Variants in NCK1 observed in about 807,000 individuals in gnomAD.
The protein encoded by NCK1 is SH2/SH3 adapter protein NCK1.
A neutral mutation model predicts 36.6 loss-of-function variants in NCK1; 19 were observed. The ratio of observed to expected loss-of-function variants is 0.52; its 90% CI spans 0.36 to 0.76. The LOEUF (loss-of-function observed/expected upper bound fraction) is 0.76. Ranked by LOEUF, NCK1 falls within the 30% of genes least tolerant of loss-of-function variation. The pLI is 0.00. For synonymous variants in NCK1, 165 were observed against 156.0 expected, an observed-to-expected ratio of 1.06 and a Z score of -0.43; for missense variants, 358 against 445.6, an observed-to-expected ratio of 0.80 and a Z score of 1.77.
chr3:136,873,020 C>T (rs1560030966), intron 1 of NCK1, among the ~76,000 whole-genome samples: 1 of 152,162 alleles, frequency 6.6e-6, no homozygotes, highest in Non-Finnish European at 1.5e-5. Flanking sequence ...GGGTCAGAGC[C>T]CCCACACAGA....
At chr3:136,900,979 C>T (rs956669756) in intron 1 of NCK1, among the ~76,000 whole-genome samples, 9 of 152,102 alleles carry the variant, frequency 5.9e-5, no homozygotes, top group South Asian at 2.1e-4. Context: ...TGGGCATCCT[C>T]GTCTTGTTCC....
intron 1 of NCK1, among the ~76,000 whole-genome samples, chr3:136,923,822 A>C (rs1187772625): frequency 6.6e-6 from 1 of 152,248 alleles, no homozygotes; most frequent in African/African-American, 2.4e-5. Flanking sequence ...TTATGAAACA[A>C]TTACATTTTA....
intron 2 of NCK1, among the ~76,000 whole-genome samples, chr3:136,944,147 T>C (rs1189685286): frequency 8.8e-6 from 1 of 114,002 alleles, no homozygotes; most frequent in East Asian, 2.4e-4. Flanking sequence ...TGAGACAGAG[T>C]CTTGCCCTGT....
At chr3:136,880,472 G>T (rs925768252) in intron 1 of NCK1, among the ~76,000 whole-genome samples, 1 of 152,066 alleles carries the variant, frequency 6.6e-6, no homozygotes, top group Non-Finnish European at 1.5e-5. Context: ...CTAGGAGGGA[G>T]CCTAGAGCAG....
At chr3:136,875,598 GCTAA>G (rs1476427451) in intron 1 of NCK1, among the ~76,000 whole-genome samples, 1 of 152,072 alleles carries the variant, frequency 6.6e-6, no homozygotes, top group Non-Finnish European at 1.5e-5. Context: ...AACACGAAGA[GCTAA>G]CTATCCTAAA....
At position 136,891,738 on chromosome 3, in the gene NCK1, G is replaced by A. The variant is rs1414927968; in HGVS notation, c.-19+29385G>A. 2.6e-5 allele frequency among the ~76,000 whole-genome samples: 4 copies of A among 152,080 alleles called. 1 individual carries two copies. In the South Asian group the frequency reaches 8.3e-4, roughly 32 times the overall value. On this transcript the variant is annotated intron_variant, in intron 1 of 3. Transcript: ENST00000481752. ...CATCATTTTTTTAATAATAACCATG[G>A]TGATGGTTGTGAGGTGGTATTATTG...
intron 1 of NCK1, among the ~76,000 whole-genome samples, chr3:136,863,420 G>A (rs1938306759): frequency 6.6e-6 from 1 of 152,208 alleles, no homozygotes; most frequent in Non-Finnish European, 1.5e-5. Context: ...AACCTAAGAA[G>A]AAAGTTTTGT....
At chr3:136,938,917 T>A (rs939466211) in intron 2 of NCK1, among the ~76,000 whole-genome samples, 5 of 152,250 alleles carry the variant, frequency 3.3e-5, no homozygotes, top group Admixed American at 6.5e-5. Flanking sequence ...TGAGGATTTT[T>A]GCATCTATAT....
intron 1 of NCK1, among the ~76,000 whole-genome samples, chr3:136,884,958 TG>T (rs1184078833): frequency 6.6e-6 from 1 of 152,140 alleles, no homozygotes; most frequent in Non-Finnish European, 1.5e-5. Flanking sequence ...TGACCTCAAG[TG>T]ATCTGCCCAC....
chr3:136,927,248 A>AG (rs1304292767), intron 1 of NCK1, among the ~76,000 whole-genome samples: 5 of 152,196 alleles, frequency 3.3e-5, no homozygotes, highest in Non-Finnish European at 7.3e-5. Flanking sequence ...CTGGGATTAC[A>AG]GGTGTGTGCC....
rs796940444 is a variant in NCK1, at chr3:136,864,620, A to G, written c.-19+2267A>G. 3.9e-4 allele frequency among the ~76,000 whole-genome samples: 59 copies of G among 152,354 alleles called. 1 individual carries two copies. The highest frequency in any genetic ancestry group is 1.4e-3 in the African/African-American group (57 of 41,602). On this transcript the variant is annotated intron_variant, in intron 1 of 3. Coordinates refer to ENST00000481752, the MANE Select transcript of NCK1 (RefSeq NM_001291999.2). ...GAGGCCAAGGCGGGAGGATAGCTGG[A>G]GGCCAGGAGTTTGAGATCAGCCTAA...
intron 2 of NCK1, among the ~76,000 whole-genome samples, chr3:136,930,835 T>C (rs988042777): frequency 6.6e-6 from 1 of 152,230 alleles, no homozygotes; most frequent in African/African-American, 2.4e-5. Flanking sequence ...AGGATATAAA[T>C]GGTTTGAGTT....
At chr3:136,867,251 CTG>C (rs1474530651) in intron 1 of NCK1, among the ~76,000 whole-genome samples, 10 of 56,120 alleles carry the variant, frequency 1.8e-4, no homozygotes, top group Admixed American at 4.6e-4. Flanking sequence ...GTCCGTCCGT[CTG>C]TCTCTCTCTC....
intron 1 of NCK1, among the ~76,000 whole-genome samples, chr3:136,892,332 A>T (rs1458712502): frequency 6.6e-6 from 1 of 152,206 alleles, no homozygotes; most frequent in Non-Finnish European, 1.5e-5. Flanking sequence ...GTCCTTTCAT[A>T]TACAAAGTAT....
Position 136,867,213 on chromosome 3 carries a change from T to G in NCK1, c.-19+4860T>G, listed in dbSNP as rs1938473784. Reference sequence around the variant, plus strand: ...CTTTTCTTTCTTTTCCCTTCCTTCCTTCCTTCCTTCCGTCCATCCATCCGT... The same window carrying G: ...CTTTTCTTTCTTTTCCCTTCCTTCCGTCCTTCCTTCCGTCCATCCATCCGT... On this transcript the variant is annotated intron_variant, in intron 1 of 3. Coordinates refer to ENST00000481752, the MANE Select transcript of NCK1 (RefSeq NM_001291999.2). Among the ~76,000 whole-genome samples, 12 of 147,000 alleles carry G rather than the reference T, an allele frequency of 8.2e-5. 2 individuals are homozygous for G. In the South Asian group the frequency reaches 2.4e-3, roughly 30 times the overall value.
chr3:136,904,916 T>G (rs1939642435), intron 1 of NCK1, among the ~76,000 whole-genome samples: 2 of 151,932 alleles, frequency 1.3e-5, no homozygotes, highest in African/African-American at 4.8e-5. Context: ...ATCTTTTATC[T>G]GCTTAATCTA....
intron 1 of NCK1, among the ~76,000 whole-genome samples, chr3:136,870,635 C>T (rs763748888): frequency 1.3e-5 from 2 of 150,496 alleles, no homozygotes; most frequent in Non-Finnish European, 2.9e-5. Context: ...ATTCTGCTGC[C>T]CAAGGAAATC....
At chr3:136,899,505 T>A in intron 1 of NCK1, 1 of 418,816 alleles carries the variant, frequency 2.4e-6, no homozygotes, top group Non-Finnish European at 4.6e-6. Context: ...AAAATCAGAA[T>A]CATCCTCAGA....
intron 1 of NCK1, among the ~76,000 whole-genome samples, chr3:136,884,299 A>T (rs1939018210): frequency 6.6e-6 from 1 of 152,206 alleles, no homozygotes; most frequent in East Asian, 1.9e-4. Flanking sequence ...CATCCAGTAG[A>T]GCTATCCCTT....
Sources: gnomAD v4.1 joint callset for allele counts (sites outside exome capture counted in the v4.1 genomes callset) on GRCh38, gnomAD v4.1.1 for gene constraint, MANE v1.5 for transcripts, NCBI Gene and HGNC (gene_info 2026-07-23, HGNC 2026-07-21) for gene names.